Variants in STXBP4 observed in about 807,000 individuals in gnomAD.
STXBP4 encodes syntaxin binding protein 4.
A neutral mutation model predicts 76.1 loss-of-function variants in STXBP4; 55 were observed. The ratio of observed to expected loss-of-function variants is 0.72; its 90% CI spans 0.58 to 0.91. The LOEUF (loss-of-function observed/expected upper bound fraction) is 0.91, where lower values mean the gene tolerates loss of function less well. Ranked by LOEUF, STXBP4 falls within the 40% of genes least tolerant of loss-of-function variation. STXBP4 has a pLI of 0.00. For missense variants in STXBP4, 618 were observed against 636.9 expected, an observed-to-expected ratio of 0.97 and a Z score of 0.32; for synonymous variants, 201 against 220.2, an observed-to-expected ratio of 0.91 and a Z score of 0.77.
the STXBP4 span, among the ~76,000 whole-genome samples, chr17:55,211,807 T>G: frequency 1.1e-4 from 13 of 115,660 alleles, no homozygotes; most frequent in African/African-American, 4.3e-4. Flanking sequence ...TTGTTTTTTT[T>G]TTTTTTTTTT....
chr17:55,168,809 T>C lies in STXBP4; in HGVS notation c.*8898T>C, dbSNP rs975035103. ...ATATTCTACTGCAGTCTCTGAGATTTTTTTCCCTGTCTTAGACATCCATTC... is the reference window on the plus strand; with the variant it reads ...ATATTCTACTGCAGTCTCTGAGATTCTTTTCCCTGTCTTAGACATCCATTC... On this transcript the variant is annotated 3_prime_UTR_variant, in exon 18 of 18. Transcript: ENST00000376352. 8 of 152,198 alleles carry C rather than the reference T, an allele frequency of 5.3e-5. No individual in the cohort carries two copies. The highest frequency in any genetic ancestry group is 1.9e-4 in the African/African-American group (8 of 41,458). The allele number at this position is 152,198 out of a possible 1,614,324, so 9.4% of individuals were successfully genotyped here. A position where few individuals can be genotyped will look rare whatever the true frequency, so the allele number is the denominator to read the frequency against.
At chr17:55,202,786 G>A in the STXBP4 span, among the ~76,000 whole-genome samples, 2 of 152,092 alleles carry the variant, frequency 1.3e-5, no homozygotes, top group East Asian at 1.9e-4. Context: ...GGAAATTATT[G>A]ATCTTTCTCT....
chr17:54,971,467 T>G (rs895729567), intron 1 of STXBP4, among the ~76,000 whole-genome samples: 1 of 152,216 alleles, frequency 6.6e-6, no homozygotes, highest in Non-Finnish European at 1.5e-5. Context: ...TGAGCTCTTA[T>G]GTCTCTTATA....
chr17:55,211,271 G>A, the STXBP4 span, among the ~76,000 whole-genome samples: 3 of 151,936 alleles, frequency 2.0e-5, no homozygotes, highest in Non-Finnish European at 4.4e-5. Context: ...ATGGAGTCTC[G>A]CTCTGTCGCC....
At chr17:55,030,825 A>G (rs2078494551) in intron 8 of STXBP4, 1 of 182,620 alleles carries the variant, frequency 5.5e-6, no homozygotes, top group South Asian at 1.3e-4. Context: ...TTCATGTTTT[A>G]GAGTGTCACT....
Position 54,992,193 on chromosome 17 carries a change from T to G in STXBP4, c.180+1236T>G, listed in dbSNP as rs112859260. ...TTTGGGGAGGCAGAAGCAGGAAGAT[T>G]GCTTGAGCTCAGGAGTTTGAGACCA... On this transcript the variant is annotated intron_variant, in intron 4 of 17. Coordinates refer to ENST00000376352, the MANE Select transcript of STXBP4 (RefSeq NM_178509.6). Among the ~76,000 whole-genome samples the G allele has an allele frequency of 8.5e-3, 1,287 of 152,138 alleles. 18 individuals carry two copies. Among genetic ancestry groups the G allele is most frequent in the African/African-American group, 0.03 (1,251 of 41,502 alleles).
At chr17:55,143,232 A>G (rs1452392764) in intron 17 of STXBP4, among the ~76,000 whole-genome samples, 1 of 152,210 alleles carries the variant, frequency 6.6e-6, no homozygotes, top group Non-Finnish European at 1.5e-5. Context: ...AGTGAGCTGC[A>G]TCTTGCCCTT....
At chr17:55,005,787 A>G (rs2077995110) in intron 7 of STXBP4, among the ~76,000 whole-genome samples, 2 of 152,316 alleles carry the variant, frequency 1.3e-5, no homozygotes, top group South Asian at 4.1e-4. Context: ...GAAGTCATTG[A>G]CAAGCTTCAC....
At chr17:55,022,318 T>C (rs2078328105) in intron 8 of STXBP4, among the ~76,000 whole-genome samples, 2 of 152,084 alleles carry the variant, frequency 1.3e-5, no homozygotes, top group African/African-American at 4.8e-5. Flanking sequence ...TTTTTTATTC[T>C]ACCCTACTCC....
chr17:55,187,723 G>A, the STXBP4 span, among the ~76,000 whole-genome samples: 6 of 152,112 alleles, frequency 3.9e-5, no homozygotes, highest in East Asian at 9.6e-4. Flanking sequence ...TCTGGACCAC[G>A]GGATGGCTGT....
the STXBP4 span, among the ~76,000 whole-genome samples, chr17:55,203,400 A>G: frequency 3.9e-5 from 6 of 152,078 alleles, no homozygotes; most frequent in African/African-American, 1.2e-4. Flanking sequence ...TTATCATTGC[A>G]TTGATGTCAT....
chr17:55,183,680 A>G, the STXBP4 span, among the ~76,000 whole-genome samples: 2 of 152,212 alleles, frequency 1.3e-5, no homozygotes, highest in African/African-American at 4.8e-5. Flanking sequence ...TATAAAAAGC[A>G]AATGAATTTT....
At chr17:55,098,150 A>C (rs552560386) in intron 16 of STXBP4, among the ~76,000 whole-genome samples, 56 of 152,212 alleles carry the variant, frequency 3.7e-4, no homozygotes, top group African/African-American at 1.3e-3. Flanking sequence ...ATTTCTACTA[A>C]TGTCGATTTA....
intron 16 of STXBP4, among the ~76,000 whole-genome samples, chr17:55,122,299 G>C (rs531770564): frequency 2.1e-4 from 32 of 152,320 alleles, no homozygotes; most frequent in Middle Eastern, 3.4e-3. Flanking sequence ...TAAGTGCTGT[G>C]ATAGAAACTG....
intron 8 of STXBP4, among the ~76,000 whole-genome samples, chr17:55,014,008 C>G (rs1598204420): frequency 6.6e-6 from 1 of 152,310 alleles, no homozygotes; most frequent in Middle Eastern, 3.4e-3. Context: ...ACAACGGCCT[C>G]ATTGATAATC....
chr17:55,023,315 T>C (rs1414623892), intron 8 of STXBP4, among the ~76,000 whole-genome samples: 1 of 152,192 alleles, frequency 6.6e-6, no homozygotes, highest in Non-Finnish European at 1.5e-5. Flanking sequence ...GAACCAGAAG[T>C]GTTTGAAACT....
At chr17:55,070,576 T>A (rs956353877) in intron 12 of STXBP4, among the ~76,000 whole-genome samples, 1 of 152,214 alleles carries the variant, frequency 6.6e-6, no homozygotes, top group East Asian at 1.9e-4. Flanking sequence ...TCTGGCACCC[T>A]GCTGCCAGAT....
rs1388949221 is a variant in STXBP4 at position 55,166,256 on chromosome 17, T to G, written c.*6345T>G. On this transcript the variant is annotated 3_prime_UTR_variant, in exon 18 of 18. Transcript: ENST00000376352. ...CTTAAATATATTCCCTTTTCTCTGT[T>G]TCATGCAAACATGGCTTATTTATTT... The G allele has an allele frequency of 5.9e-5, 9 of 152,230 alleles. No individual in the cohort carries two copies. Among genetic ancestry groups the G allele is most frequent in the African/African-American group, 2.2e-4 (9 of 41,456 alleles). The allele number at this position is 152,230 out of a possible 1,614,324, so 9.4% of individuals were successfully genotyped here.
intron 16 of STXBP4, among the ~76,000 whole-genome samples, chr17:55,138,654 T>C (rs1467987614): frequency 6.6e-6 from 1 of 152,132 alleles, no homozygotes; most frequent in Non-Finnish European, 1.5e-5. Context: ...AAGCATTGTA[T>C]ATTTCCAAGT....
Sources: allele counts gnomAD v4.1 joint callset (sites outside exome capture counted in the v4.1 genomes callset), GRCh38; gene constraint gnomAD v4.1.1; transcripts MANE v1.5; gene names NCBI Gene and HGNC (gene_info 2026-07-23, HGNC 2026-07-21).